The following LAMA2 variants were observed in gnomAD, a reference collection of about 807,000 sequenced individuals.
LAMA2 encodes the protein laminin subunit alpha 2, also known as laminin subunit alpha-2.
Under a neutral mutation model 364.8 loss-of-function variants are expected in LAMA2, and 269 were observed. The ratio of observed to expected loss-of-function variants is 0.74; its 90% confidence interval spans 0.67 to 0.82. The LOEUF (loss-of-function observed/expected upper bound fraction) is 0.82. Ranked by LOEUF, LAMA2 falls within the 40% of genes least tolerant of loss-of-function variation. LAMA2 has a pLI of 0.00. For missense variants in LAMA2, 3,807 were observed against 3,873.2 expected (o/e 0.98, Z 0.45); for synonymous variants, 1,379 against 1,370.6 (o/e 1.01, Z -0.14).
At chr6:129,279,437 G>A (rs2114388175) in intron 17 of LAMA2, among the ~76,000 whole-genome samples, 1 of 152,296 alleles carries the variant, frequency 6.6e-6, no homozygotes, top group South Asian at 2.1e-4. Context: ...ACATGCCAGA[G>A]GGTATGAGAT....
At chr6:129,021,831 G>A (rs1367919499) in intron 1 of LAMA2, among the ~76,000 whole-genome samples, 1 of 152,194 alleles carries the variant, frequency 6.6e-6, no homozygotes, top group East Asian at 1.9e-4. Context: ...TTTAGGGACT[G>A]CAGGTTTTAC....
chr6:129,500,686 C>T (rs372438056), intron 58 of LAMA2, among the ~76,000 whole-genome samples: 17 of 152,010 alleles, frequency 1.1e-4, no homozygotes, highest in African/African-American at 3.9e-4. Context: ...TAGTATACAA[C>T]GAAACAACAA....
rs755315841 is a variant in LAMA2 at position 129,320,527 on chromosome 6, G to A, written c.4059-11G>A. 2.3e-5 allele frequency: 34 copies of A among 1,477,372 alleles called. No individual in the cohort carries two copies. The East Asian group carries it at 3.8e-4, about 17-fold the overall frequency. 91.5% of individuals were successfully genotyped at this position (1,477,372 alleles called of 1,614,324 possible). On this transcript the variant is annotated splice_polypyrimidine_tract_variant and intron_variant, in intron 27 of 64. Transcript: ENST00000421865. ...GTCATAGTAATCTAAGTACATTCTC[G>A]CTGTTTCTAGGATTTCTGAAATCTC...
chr6:129,148,113 T>C (rs1778576724), intron 6 of LAMA2, among the ~76,000 whole-genome samples: 1 of 152,022 alleles, frequency 6.6e-6, no homozygotes, highest in African/African-American at 2.4e-5. Context: ...ATCCCTTTAC[T>C]GTTATTTTAT....
At chr6:129,022,759 AT>A (rs1452377032) in intron 1 of LAMA2, among the ~76,000 whole-genome samples, 3 of 152,214 alleles carry the variant, frequency 2.0e-5, no homozygotes, top group African/African-American at 7.2e-5. Context: ...ACAACTTTCT[AT>A]TTAAAGAGGA....
intron 1 of LAMA2, among the ~76,000 whole-genome samples, chr6:129,015,172 G>A (rs1784996062): frequency 6.6e-6 from 1 of 152,054 alleles, no homozygotes; most frequent in Admixed American, 6.6e-5. Flanking sequence ...TTAAGGAAAA[G>A]TAGTCATAAT....
At chr6:129,270,540 C>T in intron 16 of LAMA2, 84 bp from the exon 17 acceptor site, 1 of 1,381,768 alleles carries the variant, frequency 7.2e-7, no homozygotes, top group Non-Finnish European at 1.0e-6. Context: ...AGGGAGCAGA[C>T]TAATGACTTC....
intron 1 of LAMA2, among the ~76,000 whole-genome samples, chr6:128,988,119 GCCTC>G (rs1404364663): frequency 1.3e-5 from 2 of 152,134 alleles, no homozygotes. Context: ...GCTCGTCTTG[GCCTC>G]CCAAAGTGCT....
intron 1 of LAMA2, among the ~76,000 whole-genome samples, chr6:128,956,313 C>T (rs1170423518): frequency 6.6e-6 from 1 of 151,950 alleles, no homozygotes; most frequent in Non-Finnish European, 1.5e-5. Context: ...TGGAACTATG[C>T]CACCAGACCC....
intron 30 of LAMA2, among the ~76,000 whole-genome samples, chr6:129,343,804 A>C (rs1776397859): frequency 6.6e-6 from 1 of 152,300 alleles, no homozygotes; most frequent in African/African-American, 2.4e-5. Context: ...CACCACACTT[A>C]ATACTGGAAG....
chr6:128,955,488 G>T (rs749301434), intron 1 of LAMA2, among the ~76,000 whole-genome samples: 2 of 151,734 alleles, frequency 1.3e-5, no homozygotes, highest in African/African-American at 4.8e-5. Flanking sequence ...AGATTCCCTC[G>T]TTGAAACTCA....
intron 52 of LAMA2, among the ~76,000 whole-genome samples, chr6:129,473,970 TGTA>T (rs1562596612): frequency 6.6e-6 from 1 of 152,042 alleles, no homozygotes; most frequent in African/African-American, 2.4e-5. Context: ...TCACGTGCTG[TGTA>T]GTTAATTTAC....
At chr6:129,498,552 TTATATTTTAGAAGAA>T (rs1276291745) in intron 58 of LAMA2, among the ~76,000 whole-genome samples, 1 of 152,186 alleles carries the variant, frequency 6.6e-6, no homozygotes, top group Non-Finnish European at 1.5e-5. Context: ...AGTAGGGCTT[TTATATTTTAGAAGAA>T]GATTAAAGTC....
chr6:129,145,693 T>C (rs114659492), intron 5 of LAMA2, among the ~76,000 whole-genome samples: 58 of 152,082 alleles, frequency 3.8e-4, no homozygotes, highest in African/African-American at 1.3e-3. Flanking sequence ...TTTAAAATAA[T>C]GCAGTATAAG....
At chr6:128,985,944 T>C (rs12202444) in intron 1 of LAMA2, among the ~76,000 whole-genome samples, 21,946 of 152,122 alleles carry the variant, frequency 0.14, 1,769 homozygotes, top group South Asian at 0.19. Context: ...CTTTTCACCA[T>C]TGACTCTTAT....
rs577074156 is a variant in LAMA2, at chr6:129,015,013, G to C, written c.113-34905G>C. ...GAAATCTATTAAAATAAATTAAATA[G>C]AATATATTCCAAAGTAACTAATGTT... On this transcript the variant is annotated intron_variant, in intron 1 of 64. Coordinates refer to ENST00000421865, the MANE Select transcript of LAMA2 (RefSeq NM_000426.4). Among the ~76,000 whole-genome samples, 383 of 152,016 alleles carry C rather than the reference G, an allele frequency of 2.5e-3. 2 individuals carry two copies. Among genetic ancestry groups the C allele is most frequent in the African/African-American group, 8.8e-3 (366 of 41,502 alleles).
intron 8 of LAMA2, chr6:129,158,346 G>A (rs1390522661): frequency 2.6e-5 from 42 of 1,613,820 alleles, no homozygotes; most frequent in African/African-American, 4.0e-5. Flanking sequence ...TACTTTCACC[G>A]CCACTCTTTC....
chr6:129,010,784 A>T (rs749080214), intron 1 of LAMA2, among the ~76,000 whole-genome samples: 3 of 152,190 alleles, frequency 2.0e-5, no homozygotes, highest in Non-Finnish European at 4.4e-5. Flanking sequence ...AAATTTCAAA[A>T]ATTCTAGATG....
At position 129,172,375 on chromosome 6, in the gene LAMA2, G is replaced by A. The variant is rs1036487114; in HGVS notation, c.1307-5331G>A. Among the ~76,000 whole-genome samples, 36 of 152,176 alleles carry A rather than the reference G, an allele frequency of 2.4e-4. 1 individual carries two copies. Among genetic ancestry groups the A allele is most frequent in the Admixed American group, 1.1e-3 (17 of 15,282 alleles). On this transcript the variant is annotated intron_variant, in intron 9 of 64. Coordinates refer to ENST00000421865, the MANE Select transcript of LAMA2 (RefSeq NM_000426.4). ...TTTCGTGTGGATGTCCTTTCTGTTT[G>A]TTAGTTTTCCTTCTAACAGACAGGA...
Sources: allele counts gnomAD v4.1 joint callset (sites outside exome capture counted in the v4.1 genomes callset), GRCh38; gene constraint gnomAD v4.1.1; transcripts MANE v1.5; gene names NCBI Gene and HGNC (gene_info 2026-07-23, HGNC 2026-07-21).